VPS13D: variants seen among roughly 807,000 people sequenced by gnomAD.
VPS13D encodes vacuolar protein sorting 13 homolog D.
In VPS13D, 187 loss-of-function variants were observed where a neutral mutation model predicts 461.9. The observed-to-expected ratio is 0.40, with a 90% CI of 0.36 to 0.46. The LOEUF (loss-of-function observed/expected upper bound fraction) is 0.46. Ranked by LOEUF, VPS13D falls within the 20% of genes least tolerant of loss-of-function variation. The pLI, the probability that VPS13D is intolerant of heterozygous loss-of-function variation, is 0.60. For synonymous variants in VPS13D, 1,951 were observed against 1,986.3 expected (o/e 0.98, Z 0.47); for missense variants, 4,711 against 5,364.9 (o/e 0.88, Z 3.81).
rs1288598672 is a variant in VPS13D, at chr1:12,333,312, C to T, written c.8374C>T (p.Leu2792=). 1.1e-5 allele frequency: 18 copies of T among 1,614,052 alleles called. No individual in the cohort carries two copies. In the Admixed American group the frequency reaches 3.0e-4, roughly 27 times the overall value. ...TCGTCTCCATCCTCCTCGACTGAAG[C>T]TAGAAGCCAAGGCCAAACCTCGTTT... is the stretch of plus-strand genomic sequence containing the variant. ...ASRLHPPRLK[L]EAKAKPRLDI... is the part of the protein sequence containing the mutation. The change falls in exon 38 of 70, where the codon CTA becomes TTA. Residue 2792 remains leucine, a synonymous_variant. Transcript: ENST00000620676.
At chr1:12,382,517 G>A (rs1644297114) in intron 57 of VPS13D, among the ~76,000 whole-genome samples, 1 of 152,138 alleles carries the variant, frequency 6.6e-6, no homozygotes, top group Non-Finnish European at 1.5e-5. Flanking sequence ...TCCAGCCATA[G>A]GCCTGTTTGG....
intron 9 of VPS13D, 38 bp downstream of exon 9, chr1:12,257,125 G>A: frequency 6.4e-7 from 1 of 1,570,970 alleles, no homozygotes; most frequent in Non-Finnish European, 8.8e-7. Context: ...ATTCATGTTA[G>A]AGCCTGTTCT....
chr1:12,275,709 A>G lies in VPS13D; in HGVS notation c.2237-116A>G, dbSNP rs1164451161. The G allele has an allele frequency of 5.8e-6, 6 of 1,032,028 alleles. No homozygotes were observed. In the African/African-American group the frequency reaches 9.7e-5, roughly 17 times the overall value. The allele number at this position is 1,032,028 out of a possible 1,614,324, so 63.9% of individuals were successfully genotyped here. On this transcript the variant is annotated intron_variant, in intron 18 of 69. Coordinates refer to ENST00000620676, the MANE Select transcript of VPS13D (RefSeq NM_015378.4). ...GATATTATGCTTAAGAGTTTTCCTCAGTTTTCTTAAACAAACTGGGGTTGG... is the reference window on the plus strand; with the variant it reads ...GATATTATGCTTAAGAGTTTTCCTCGGTTTTCTTAAACAAACTGGGGTTGG...
intron 40 of VPS13D, among the ~76,000 whole-genome samples, chr1:12,340,577 T>G (rs968314855): frequency 6.6e-6 from 1 of 152,232 alleles, no homozygotes; most frequent in East Asian, 1.9e-4. Flanking sequence ...TGTTGCAGTT[T>G]GTCTTCTCGA....
chr1:12,384,041 T>C (rs539357624), intron 58 of VPS13D, among the ~76,000 whole-genome samples: 1 of 152,292 alleles, frequency 6.6e-6, no homozygotes, highest in Admixed American at 6.5e-5. Flanking sequence ...GGGAATGGCA[T>C]GATTAGAAAA....
chr1:12,323,513 C>A (rs1191803787), intron 34 of VPS13D, among the ~76,000 whole-genome samples, 193 bp from the exon 35 acceptor site: 1 of 151,876 alleles, frequency 6.6e-6, no homozygotes, highest in East Asian at 1.9e-4. Flanking sequence ...AAAACACAGT[C>A]AATATGAGGA....
At chr1:12,292,331 C>CT (rs145251288) in intron 23 of VPS13D, among the ~76,000 whole-genome samples, 223 of 138,018 alleles carry the variant, frequency 1.6e-3, no homozygotes, top group Middle Eastern at 0.011. Context: ...GTTTTCAACC[C>CT]TTTTTTTTTT....
At chr1:12,351,068 A>G (rs545451447) in intron 46 of VPS13D, among the ~76,000 whole-genome samples, 4 of 152,368 alleles carry the variant, frequency 2.6e-5, no homozygotes, top group Admixed American at 1.3e-4. Context: ...CACAAAGAAC[A>G]CTATAGGCCC....
intron 65 of VPS13D, among the ~76,000 whole-genome samples, chr1:12,431,396 G>A (rs1644990001): frequency 6.6e-6 from 1 of 150,510 alleles, no homozygotes; most frequent in Admixed American, 6.7e-5. Flanking sequence ...ACCCTGTAAG[G>A]TTCTCAAAGC....
chr1:12,301,719 G>A lies in VPS13D; in HGVS notation c.6216+2335G>A, dbSNP rs187477475. 3.8e-3 allele frequency among the ~76,000 whole-genome samples: 581 copies of A among 152,348 alleles called. 5 individuals are homozygous for A. Among genetic ancestry groups the A allele is most frequent in the African/African-American group, 0.013 (553 of 41,580 alleles). On this transcript the variant is annotated intron_variant, in intron 25 of 69. Coordinates refer to ENST00000620676, the MANE Select transcript of VPS13D (RefSeq NM_015378.4). Reference sequence around the variant, plus strand: ...TGCTCTCCCTGGAGGCCTGGGCACTGAAACTGAAAGTTCCAACCCTCTAAT... The same window carrying A: ...TGCTCTCCCTGGAGGCCTGGGCACTAAAACTGAAAGTTCCAACCCTCTAAT...
intron 6 of VPS13D, among the ~76,000 whole-genome samples, chr1:12,251,292 T>C (rs982563775): frequency 6.6e-6 from 1 of 152,268 alleles, no homozygotes; most frequent in Admixed American, 6.5e-5. Context: ...TCACTTCTTA[T>C]GCTTCAGTTT....
At chr1:12,488,898 TGTTCTACTTAG>T (rs1645839933) in intron 67 of VPS13D, among the ~76,000 whole-genome samples, 1 of 152,208 alleles carries the variant, frequency 6.6e-6, no homozygotes, top group Admixed American at 6.5e-5. Flanking sequence ...TGACTCAGAA[TGTTCTACTTAG>T]AACACAAAGA....
chr1:12,489,038 G>C (rs1382874032), intron 67 of VPS13D, among the ~76,000 whole-genome samples: 1 of 152,128 alleles, frequency 6.6e-6, no homozygotes, highest in Non-Finnish European at 1.5e-5. Context: ...AAAAATTATG[G>C]CCTTTAAAGA....
chr1:12,341,716 T>TG, intron 40 of VPS13D, 64 bp from the exon 41 acceptor site: 1 of 1,483,536 alleles, frequency 6.7e-7, no homozygotes, highest in Non-Finnish European at 9.3e-7. Flanking sequence ...GTCTCCAGGT[T>TG]GGGGGAGGGT....
intron 65 of VPS13D, among the ~76,000 whole-genome samples, chr1:12,436,317 G>T (rs1294355450): frequency 6.6e-6 from 1 of 152,206 alleles, no homozygotes; most frequent in African/African-American, 2.4e-5. Flanking sequence ...CAATCCTGAA[G>T]TCCAAGGAGA....
At chr1:12,257,894 T>C (rs1640969979) in intron 9 of VPS13D, 41 bp from the exon 10 acceptor site, 8 of 1,608,650 alleles carry the variant, frequency 5.0e-6, no homozygotes, top group Non-Finnish European at 6.8e-6. Context: ...TTTCGTTGCT[T>C]TTGTTGTAAG....
At chr1:12,490,283 C>T (rs1645859030) in intron 67 of VPS13D, among the ~76,000 whole-genome samples, 1 of 152,138 alleles carries the variant, frequency 6.6e-6, no homozygotes, top group Non-Finnish European at 1.5e-5. Context: ...TTCTTTCTGC[C>T]CAACCTATTT....
At chr1:12,230,317 T>TC (rs1283948821) in intron 1 of VPS13D, among the ~76,000 whole-genome samples, 197 bp downstream of exon 1, 3 of 151,420 alleles carry the variant, frequency 2.0e-5, no homozygotes, top group Non-Finnish European at 3.0e-5. Flanking sequence ...GGGCGTCTGC[T>TC]CCCCCCGGGC....
intron 21 of VPS13D, among the ~76,000 whole-genome samples, chr1:12,285,838 A>G (rs1359614674): frequency 7.2e-5 from 11 of 152,206 alleles, no homozygotes; most frequent in South Asian, 2.1e-4. Context: ...GTTGGTCTCT[A>G]TAATTCAGTA....
Sources: gnomAD v4.1 joint callset for allele counts (sites outside exome capture counted in the v4.1 genomes callset) on GRCh38, gnomAD v4.1.1 for gene constraint, MANE v1.5 for transcripts, NCBI Gene and HGNC (gene_info 2026-07-23, HGNC 2026-07-21) for gene names.